DTD1: variants seen among roughly 807,000 people sequenced by gnomAD.
DTD1 encodes the protein D-tyrosyl-tRNA deacylase 1 homolog.
DTD1 carries 13 observed loss-of-function variants against 25.6 expected under a neutral mutation model. That is an observed-to-expected ratio of 0.51 (90% CI 0.33 to 0.81). The LOEUF (loss-of-function observed/expected upper bound fraction) is 0.81, where lower values mean the gene tolerates loss of function less well. Among genes scored for constraint, DTD1 ranks in the 30% least tolerant of loss-of-function variants. The pLI is 0.02. For missense variants in DTD1, 193 were observed against 266.4 expected (o/e 0.72, Z 1.92); for synonymous variants, 110 against 103.6 (o/e 1.06, Z -0.37).
chr20:18,718,304 T>TG (rs2061189632), intron 4 of DTD1, among the ~76,000 whole-genome samples: 1 of 152,224 alleles, frequency 6.6e-6, no homozygotes, highest in African/African-American at 2.4e-5. Context: ...TAGGACTGTG[T>TG]GACCATAGGG....
intron 4 of DTD1, among the ~76,000 whole-genome samples, chr20:18,696,600 G>T (rs2061078122): frequency 6.6e-6 from 1 of 152,192 alleles, no homozygotes; most frequent in African/African-American, 2.4e-5. Context: ...TGTTGCCCAG[G>T]CTGGAATGCA....
chr20:18,601,300 G>C (rs1246963370), intron 3 of DTD1, among the ~76,000 whole-genome samples: 2 of 152,076 alleles, frequency 1.3e-5, no homozygotes, highest in Non-Finnish European at 2.9e-5. Flanking sequence ...AGGAGTTTGA[G>C]ACCAGCCTGG....
intron 3 of DTD1, chr20:18,611,137 A>G (rs1014851962): frequency 1.3e-5 from 2 of 152,240 alleles, no homozygotes; most frequent in Admixed American, 6.5e-5. Context: ...ATCCTTGTCA[A>G]GGGCTAACCT....
intron 3 of DTD1, among the ~76,000 whole-genome samples, chr20:18,606,782 G>C (rs1426524305): frequency 1.5e-5 from 2 of 132,102 alleles, no homozygotes; most frequent in Non-Finnish European, 1.6e-5. Flanking sequence ...CTGTGGTGGG[G>C]GGGGGGAGGG....
intron 1 of DTD1, 53 bp downstream of exon 1, chr20:18,588,168 G>A: frequency 8.1e-7 from 1 of 1,227,832 alleles, no homozygotes; most frequent in East Asian, 3.3e-5. Flanking sequence ...CCCCGCGACC[G>A]GCTGTCTTGC....
intron 4 of DTD1, among the ~76,000 whole-genome samples, chr20:18,639,520 T>C (rs1054131661): frequency 2.0e-5 from 3 of 151,928 alleles, no homozygotes; most frequent in African/African-American, 7.3e-5. Flanking sequence ...AGAGGCGGAG[T>C]GGAAGTCAGG....
intron 4 of DTD1, chr20:18,698,684 C>G (rs1568673246): frequency 6.6e-6 from 1 of 152,334 alleles, no homozygotes; most frequent in East Asian, 1.9e-4. Flanking sequence ...CCATTCCCTC[C>G]TCCCGCTCCC....
At chr20:18,681,765 TA>T (rs1217297391) in intron 4 of DTD1, among the ~76,000 whole-genome samples, 2 of 152,208 alleles carry the variant, frequency 1.3e-5, no homozygotes, top group African/African-American at 4.8e-5. Flanking sequence ...CAAGAAATGT[TA>T]AAAGAAGTTC....
chr20:18,744,139 A>C lies in DTD1; in HGVS notation c.517A>C (p.Thr173Pro). The change falls in exon 5 of 6, where the codon ACC (threonine) becomes CCC (proline). Residue 173 changes from threonine (T) to proline (P), a missense_variant. Transcript: ENST00000377452. ...AAAACAGCAGCAGAGGAAAGAAAAG[A>C]CCAGAGCTAAGGGACCTTCTGAATC... ...LEKQQQRKEK[T>P]RAKGPSESSK... 1 of 1,612,166 alleles carries C rather than the reference A, an allele frequency of 6.2e-7. No homozygotes were observed. The highest frequency in any genetic ancestry group is 8.5e-7 in the Non-Finnish European group (1 of 1,179,918).
At chr20:18,635,551 A>G (rs1324206623) in intron 4 of DTD1, among the ~76,000 whole-genome samples, 1 of 148,872 alleles carries the variant, frequency 6.7e-6, no homozygotes, top group East Asian at 2.0e-4. Flanking sequence ...TCCTGACCTC[A>G]CTCAGCCCAG....
intron 4 of DTD1, among the ~76,000 whole-genome samples, chr20:18,696,074 TG>T (rs1157324185): frequency 6.6e-6 from 1 of 152,182 alleles, no homozygotes; most frequent in Non-Finnish European, 1.5e-5. Context: ...CAAGGTGTTT[TG>T]TAGACTCCTA....
chr20:18,700,561 T>C (rs2061100457), intron 4 of DTD1, among the ~76,000 whole-genome samples: 1 of 152,162 alleles, frequency 6.6e-6, no homozygotes, highest in Non-Finnish European at 1.5e-5. Context: ...GGATTTTTTT[T>C]GTTATGTGGA....
At position 18,763,955 on chromosome 20, in the gene DTD1, A is replaced by T. The variant is rs754543153; in HGVS notation, c.*615A>T. The T allele has an allele frequency of 2.0e-5, 3 of 152,224 alleles. No homozygotes were observed. Among genetic ancestry groups the T allele is most frequent in the Non-Finnish European group, 4.4e-5 (3 of 68,042 alleles). 9.4% of individuals were successfully genotyped at this position (152,224 alleles called of 1,614,324 possible). A position where few individuals can be genotyped will look rare whatever the true frequency, so the allele number is the denominator to read the frequency against. ...TCTGCATAACGATGATGTCCATAGA[A>T]ATGCAATGCGTCTGACCTCTCTCTA... On this transcript the variant is annotated 3_prime_UTR_variant, in exon 6 of 6. Coordinates refer to ENST00000377452, the MANE Select transcript of DTD1 (RefSeq NM_080820.6).
At position 18,662,212 on chromosome 20, in the gene DTD1, A is replaced by G. The variant is rs553321590; in HGVS notation, c.477+33979A>G. Among the ~76,000 whole-genome samples, 14 of 152,306 alleles carry G rather than the reference A, an allele frequency of 9.2e-5. No homozygotes were observed. In the South Asian group the frequency reaches 2.3e-3, roughly 25 times the overall value. On this transcript the variant is annotated intron_variant, in intron 4 of 5. Coordinates refer to ENST00000377452, the MANE Select transcript of DTD1 (RefSeq NM_080820.6). ...TGATGATCCAGGAAATGCAAGTTAC[A>G]AGCTCCCATGTTTTGCCTTGTTAGA...
chr20:18,763,024 T>A (rs2061368902), intron 5 of DTD1, among the ~76,000 whole-genome samples: 2 of 152,240 alleles, frequency 1.3e-5, no homozygotes, highest in African/African-American at 4.8e-5. Flanking sequence ...TGATATGTTG[T>A]GTTTTCATTT....
intron 5 of DTD1, among the ~76,000 whole-genome samples, chr20:18,744,797 T>C (rs1204150229): frequency 1.3e-5 from 2 of 151,790 alleles, no homozygotes; most frequent in African/African-American, 2.4e-5. Flanking sequence ...GTTCCCATAA[T>C]TTCCACGTGT....
At chr20:18,594,050 CTGTT>C (rs2060600782) in intron 2 of DTD1, among the ~76,000 whole-genome samples, 1 of 152,224 alleles carries the variant, frequency 6.6e-6, no homozygotes, top group South Asian at 2.1e-4. Context: ...TGTCCCCTGT[CTGTT>C]TGCTACTGTG....
intron 4 of DTD1, among the ~76,000 whole-genome samples, chr20:18,742,523 G>A (rs1436989305): frequency 6.6e-6 from 1 of 152,064 alleles, no homozygotes; most frequent in East Asian, 1.9e-4. Context: ...TCATAGGAGC[G>A]GGAACCCCAT....
intron 4 of DTD1, chr20:18,632,415 C>CGGCCTGTGTTAGGTTGGTGCT: frequency 1.0e-6 from 1 of 985,470 alleles, no homozygotes; most frequent in Non-Finnish European, 1.2e-6. Context: ...GGCGCAGAAG[C>CGGCCTGTGTTAGGTTGGTGCT]GGCCTGTGTT....
Sources: gnomAD v4.1 joint callset for allele counts (sites outside exome capture counted in the v4.1 genomes callset) on GRCh38, gnomAD v4.1.1 for gene constraint, MANE v1.5 for transcripts, NCBI Gene and HGNC (gene_info 2026-07-23, HGNC 2026-07-21) for gene names.